The following SLC2A9 variants were observed in gnomAD, a reference collection of about 807,000 sequenced individuals.
SLC2A9 encodes solute carrier family 2 member 9, also known as solute carrier family 2, facilitated glucose transporter member 9.
SLC2A9 carries 39 observed loss-of-function variants against 50.6 expected under a neutral mutation model. The observed-to-expected ratio is 0.77, with a 90% CI of 0.60 to 1.01. SLC2A9 has a LOEUF of 1.01. SLC2A9 is among the 50% of genes least tolerant of loss of function. The pLI is 0.00. For synonymous variants in SLC2A9, 324 were observed against 276.9 expected, an observed-to-expected ratio of 1.17 and a Z score of -1.69; for missense variants, 686 against 677.6, an observed-to-expected ratio of 1.01 and a Z score of -0.14.
chr4:9,782,935 G>A, intron 3 of SLC2A9: 1 of 1,613,944 alleles, frequency 6.2e-7, no homozygotes, highest in Non-Finnish European at 8.5e-7. Context: ...CGGTGATCAT[G>A]GGGGTCTTCG....
At chr4:10,010,485 G>A (rs1440187268) in intron 2 of SLC2A9, among the ~76,000 whole-genome samples, 1 of 152,194 alleles carries the variant, frequency 6.6e-6, no homozygotes, top group Non-Finnish European at 1.5e-5. Flanking sequence ...CCTGTCGCTG[G>A]TGTCTGAAGT....
chr4:9,850,064 G>A (rs1274067544), intron 10 of SLC2A9, among the ~76,000 whole-genome samples: 1 of 151,950 alleles, frequency 6.6e-6, no homozygotes, highest in Non-Finnish European at 1.5e-5. Context: ...CATTGAGAGT[G>A]GATAGAGGGA....
At chr4:9,975,548 T>C (rs1754657378) in intron 5 of SLC2A9, among the ~76,000 whole-genome samples, 1 of 152,088 alleles carries the variant, frequency 6.6e-6, no homozygotes, top group South Asian at 2.1e-4. Context: ...CAAACCACAA[T>C]GAGATACCAT....
intron 3 of SLC2A9, among the ~76,000 whole-genome samples, chr4:9,791,216 C>T (rs764673144): frequency 6.6e-6 from 1 of 152,046 alleles, no homozygotes. Flanking sequence ...ATAGTCAGTA[C>T]CTAATAAGCA....
intron 3 of SLC2A9, among the ~76,000 whole-genome samples, chr4:9,785,403 T>C (rs1442950314): frequency 6.6e-6 from 1 of 152,272 alleles, no homozygotes; most frequent in Non-Finnish European, 1.5e-5. Context: ...AGATTCTGTA[T>C]CATTTCCCAA....
chr4:10,007,054 T>C (rs74838002), intron 2 of SLC2A9, among the ~76,000 whole-genome samples: 9,935 of 152,274 alleles, frequency 0.065, 641 homozygotes, highest in African/African-American at 0.17. Flanking sequence ...ACTTCACCCC[T>C]GCACCTTTTT....
chr4:9,809,311 G>C (rs991839276), intron 3 of SLC2A9, among the ~76,000 whole-genome samples: 1 of 152,136 alleles, frequency 6.6e-6, no homozygotes, highest in African/African-American at 2.4e-5. Context: ...AGCTGCGTTG[G>C]TTGCTTGGGG....
chr4:9,777,821 C>A (rs1717767107), downstream of SLC2A9, among the ~76,000 whole-genome samples: 1 of 152,174 alleles, frequency 6.6e-6, no homozygotes, highest in African/African-American at 2.4e-5. Context: ...CCAGGGCTCT[C>A]CTGGAACACA....
At chr4:9,884,325 C>T (rs1002968081) in intron 10 of SLC2A9, among the ~76,000 whole-genome samples, 1 of 152,124 alleles carries the variant, frequency 6.6e-6, no homozygotes, top group African/African-American at 2.4e-5. Context: ...GGCTAGAGTG[C>T]AATGCTGCCA....
chr4:9,774,809 A>G (rs1257687190), downstream of SLC2A9, among the ~76,000 whole-genome samples: 5 of 142,940 alleles, frequency 3.5e-5, no homozygotes, highest in African/African-American at 1.3e-4. Flanking sequence ...CTCTCTCCCT[A>G]CTTCTTTCTC....
At chr4:9,984,106 G>C (rs1250876912) in intron 4 of SLC2A9, among the ~76,000 whole-genome samples, 1 of 152,202 alleles carries the variant, frequency 6.6e-6, no homozygotes, top group African/African-American at 2.4e-5. Context: ...AATAGAAGGA[G>C]TCTATTCAAG....
At chr4:9,852,410 G>A (rs1193556081) in intron 10 of SLC2A9, among the ~76,000 whole-genome samples, 13 of 151,760 alleles carry the variant, frequency 8.6e-5, no homozygotes, top group East Asian at 1.9e-4. Context: ...CCGCCACCGC[G>A]CCCGGCTAAT....
chr4:9,866,205 T>C (rs2061838893), intron 10 of SLC2A9, among the ~76,000 whole-genome samples: 1 of 151,910 alleles, frequency 6.6e-6, no homozygotes, highest in Admixed American at 6.6e-5. Context: ...TGCTAATTAC[T>C]ATTGTATTAT....
chr4:9,954,800 G>A (rs1269490224), intron 5 of SLC2A9, among the ~76,000 whole-genome samples: 1 of 152,124 alleles, frequency 6.6e-6, no homozygotes. Flanking sequence ...ATGTCAGGTG[G>A]CCATCAGGTG....
intron 3 of SLC2A9, among the ~76,000 whole-genome samples, chr4:9,990,644 A>G (rs956746820): frequency 3.9e-5 from 6 of 152,152 alleles, no homozygotes; most frequent in African/African-American, 1.2e-4. Context: ...GGTTGTGTCC[A>G]TAATAAAACA....
chr4:9,858,652 G>A (rs190843077), intron 10 of SLC2A9, among the ~76,000 whole-genome samples: 3 of 152,310 alleles, frequency 2.0e-5, no homozygotes, highest in Non-Finnish European at 4.4e-5. Context: ...AGGGCACAAG[G>A]TAAAAACTCT....
Position 9,826,580 on chromosome 4 carries a change from A to C in SLC2A9, c.1440T>G (p.Cys480Trp). The stretch of plus-strand genomic sequence containing the variant: ...TACAAATTGTAGCAAAGACTAGGAA[A>C]CAGTAGGTGTCCAGACTTTTCTGTG... ...PFIQKSLDTYCFLVFATICIT... is the reference protein window; with the variant it reads ...PFIQKSLDTYWFLVFATICIT... The change falls in exon 12 of 12, where the codon TGT becomes TGG. Residue 480 changes from cysteine (C) to tryptophan (W), a missense_variant. By Grantham distance (215) the Cys-to-Trp change is radical. Coordinates refer to ENST00000264784, the MANE Select transcript of SLC2A9 (RefSeq NM_020041.3). 1 of 1,614,084 alleles carries C rather than the reference A, an allele frequency of 6.2e-7. No homozygotes were observed. The highest frequency in any genetic ancestry group is 8.5e-7 in the Non-Finnish European group (1 of 1,179,936).
intron 5 of SLC2A9, among the ~76,000 whole-genome samples, chr4:9,955,088 G>A (rs6449156): frequency 6.6e-6 from 1 of 151,892 alleles, no homozygotes; most frequent in African/African-American, 2.4e-5. Flanking sequence ...GTAAACACAC[G>A]GCGTGTGCGG....
intron 10 of SLC2A9, among the ~76,000 whole-genome samples, chr4:9,840,724 A>G (rs1398430235): frequency 1.3e-5 from 2 of 152,176 alleles, no homozygotes; most frequent in African/African-American, 4.8e-5. Context: ...TTTGAAATTC[A>G]TTAACTATGA....
Sources: gnomAD v4.1 joint callset for allele counts (sites outside exome capture counted in the v4.1 genomes callset) on GRCh38, gnomAD v4.1.1 for gene constraint, MANE v1.5 for transcripts, NCBI Gene and HGNC (gene_info 2026-07-23, HGNC 2026-07-21) for gene names.